The following CAMSAP2 variants were observed in gnomAD, a reference collection of about 807,000 sequenced individuals.
CAMSAP2 encodes calmodulin-regulated spectrin-associated protein 2.
CAMSAP2 carries 26 observed loss-of-function variants against 146.1 expected under a neutral mutation model. The ratio of observed to expected loss-of-function variants is 0.18; its 90% confidence interval spans 0.13 to 0.25. The LOEUF (loss-of-function observed/expected upper bound fraction) is 0.25, where lower values mean the gene tolerates loss of function less well. Ranked by LOEUF, CAMSAP2 falls within the 10% of genes least tolerant of loss-of-function variation. CAMSAP2 has a pLI of 1.00. For synonymous variants in CAMSAP2, 499 were observed against 596.6 expected, an observed-to-expected ratio of 0.84 and a Z score of 2.38; for missense variants, 1,381 against 1,759.3, an observed-to-expected ratio of 0.78 and a Z score of 3.85.
In CAMSAP2 at chr1:200,739,765, T is replaced by A; in HGVS notation, c.-63T>A. On this transcript the variant is annotated 5_prime_UTR_variant, in exon 1 of 17. Transcript: ENST00000358823. This position sits in a 1 kb window ranked among gnomAD's most constrained non-coding sequence, Gnocchi z 4.8. ...GCTTCTCCCTCCCTCCCGACCCCCG[T>A]GGTGGCGAGGCCACGCCATGTGAAG... 7.1e-6 allele frequency: 10 copies of A among 1,406,720 alleles called. No individual in the cohort carries two copies. In the South Asian group the frequency reaches 1.2e-4, roughly 17 times the overall value. The allele number at this position is 1,406,720 out of a possible 1,614,324, so 87.1% of individuals were successfully genotyped here.
chr1:200,817,185 C>CATATAAGTGTGTGTGTATAT (rs1262119747), intron 4 of CAMSAP2, among the ~76,000 whole-genome samples: 915 of 70,436 alleles, frequency 0.013, 26 homozygotes, highest in South Asian at 0.022. Context: ...TATACACACA[C>CATATAAGTGTGTGTGTATAT]ACACATGTGT....
intron 2 of CAMSAP2, among the ~76,000 whole-genome samples, chr1:200,772,544 G>A (rs960940498): frequency 6.6e-6 from 1 of 152,178 alleles, no homozygotes; most frequent in Non-Finnish European, 1.5e-5. Flanking sequence ...AGGAGGCAGA[G>A]GTTGCAGTGA....
At chr1:200,772,840 A>G (rs1009914471) in intron 2 of CAMSAP2, among the ~76,000 whole-genome samples, 2 of 152,208 alleles carry the variant, frequency 1.3e-5, no homozygotes, top group African/African-American at 2.4e-5. Flanking sequence ...AAGTTTGTCT[A>G]ATCTCTATGG....
chr1:200,796,729 G>A (rs1665894429), intron 2 of CAMSAP2, among the ~76,000 whole-genome samples: 1 of 149,806 alleles, frequency 6.7e-6, no homozygotes, highest in Non-Finnish European at 1.5e-5. Context: ...GTGAAGGTTA[G>A]TTACATATGT....
At chr1:200,808,707 AT>A (rs1666246118) in intron 3 of CAMSAP2, among the ~76,000 whole-genome samples, 1 of 152,174 alleles carries the variant, frequency 6.6e-6, no homozygotes, top group South Asian at 2.1e-4. Context: ...CAGACTTCCC[AT>A]TCTTGAACAG....
At chr1:200,778,317 C>T (rs1054031928) in intron 2 of CAMSAP2, among the ~76,000 whole-genome samples, 10 of 152,028 alleles carry the variant, frequency 6.6e-5, no homozygotes, top group African/African-American at 2.4e-4. Flanking sequence ...TGTTTTGTTC[C>T]TCCCCCTTGA....
intron 7 of CAMSAP2, among the ~76,000 whole-genome samples, chr1:200,843,799 A>G (rs933323292): frequency 1.3e-5 from 2 of 152,166 alleles, no homozygotes; most frequent in African/African-American, 4.8e-5. Context: ...CTGAAGTTCT[A>G]TGAAAGCTTT....
At chr1:200,801,266 GA>G (rs397816350) in intron 2 of CAMSAP2, among the ~76,000 whole-genome samples, 124 of 141,846 alleles carry the variant, frequency 8.7e-4, no homozygotes, top group South Asian at 1.3e-3. Flanking sequence ...CCATCTCAAA[GA>G]AAAAAAAAAA....
chr1:200,799,129 CT>C (rs1482889937), intron 2 of CAMSAP2, among the ~76,000 whole-genome samples: 1 of 152,020 alleles, frequency 6.6e-6, no homozygotes, highest in African/African-American at 2.4e-5. Context: ...CTGAAATTTT[CT>C]TTTTTTGTTG....
intron 1 of CAMSAP2, among the ~76,000 whole-genome samples, chr1:200,743,395 A>G (rs1364856498): frequency 6.6e-6 from 1 of 152,156 alleles, no homozygotes; most frequent in Non-Finnish European, 1.5e-5. Flanking sequence ...GTCTTAACAA[A>G]TCTTGCTGTC....
At chr1:200,799,124 A>AT (rs1249864825) in intron 2 of CAMSAP2, among the ~76,000 whole-genome samples, 8 of 151,942 alleles carry the variant, frequency 5.3e-5, no homozygotes, top group Non-Finnish European at 1.2e-4. Context: ...TTGGCCTGAA[A>AT]TTTTCTTTTT....
intron 4 of CAMSAP2, among the ~76,000 whole-genome samples, chr1:200,829,112 G>A (rs924929866): frequency 3.3e-5 from 5 of 152,118 alleles, no homozygotes; most frequent in South Asian, 2.1e-4. Context: ...CCGAGATCGC[G>A]CCATTGCACT....
intron 2 of CAMSAP2, among the ~76,000 whole-genome samples, chr1:200,799,757 G>A (rs1665986713): frequency 6.6e-6 from 1 of 152,126 alleles, no homozygotes; most frequent in Admixed American, 6.6e-5. Context: ...TCTTTTAAAT[G>A]TGATGTTAGG....
chr1:200,813,783 A>G (rs2102160538), intron 3 of CAMSAP2, among the ~76,000 whole-genome samples: 1 of 152,272 alleles, frequency 6.6e-6, no homozygotes, highest in African/African-American at 2.4e-5. Context: ...ACAATGAATT[A>G]GAAAGTGTTT....
chr1:200,840,136 G>T (rs1055050486), intron 6 of CAMSAP2, among the ~76,000 whole-genome samples: 3 of 152,082 alleles, frequency 2.0e-5, no homozygotes, highest in Non-Finnish European at 4.4e-5. Flanking sequence ...CTACAAGACA[G>T]GTCCACTTAA....
rs1389073085 is a variant in CAMSAP2, at chr1:200,813,576, A to G, written c.562-1985A>G. Among the ~76,000 whole-genome samples the G allele has an allele frequency of 3.9e-5, 6 of 152,348 alleles. No individual in the cohort carries two copies. In the South Asian group the frequency reaches 1.0e-3, roughly 26 times the overall value. Reference sequence around the variant, plus strand: ...AGCCTCTTAATACAGTATCTGGCACATAACTGGCATTCAGTAGATATCTGT... The same window carrying G: ...AGCCTCTTAATACAGTATCTGGCACGTAACTGGCATTCAGTAGATATCTGT... On this transcript the variant is annotated intron_variant, in intron 3 of 16. Coordinates refer to ENST00000358823, the MANE Select transcript of CAMSAP2 (RefSeq NM_203459.4).
chr1:200,831,821 G>A (rs1667051463), intron 4 of CAMSAP2, among the ~76,000 whole-genome samples: 1 of 151,794 alleles, frequency 6.6e-6, no homozygotes, highest in African/African-American at 2.4e-5. Context: ...TCCCGTATAA[G>A]AATTTTCAGT....
chr1:200,812,387 A>G (rs1666356276), intron 3 of CAMSAP2, among the ~76,000 whole-genome samples: 3 of 152,218 alleles, frequency 2.0e-5, no homozygotes, highest in Admixed American at 1.3e-4. Flanking sequence ...TTAACTAGGA[A>G]TGTTCAGCAC....
chr1:200,816,845 TAC>T lies in CAMSAP2; in HGVS notation c.645+1210_645+1211del, dbSNP rs531129943. On this transcript the variant is annotated intron_variant, in intron 4 of 16. Transcript: ENST00000358823. ...ACACACACACGCGTGTGTATGTGTG[TAC>T]ACACACACGCGTGTGTATGTGTGTA... Among the ~76,000 whole-genome samples the T allele has an allele frequency of 6.9e-4, 41 of 59,758 alleles. 1 individual carries two copies. Among genetic ancestry groups the T allele is most frequent in the South Asian group, 3.5e-3 (5 of 1,428 alleles). 39.2% of individuals were successfully genotyped at this position (59,758 alleles called of 152,430 possible).
Sources: allele counts gnomAD v4.1 joint callset (sites outside exome capture counted in the v4.1 genomes callset), GRCh38; gene constraint gnomAD v4.1.1; non-coding constraint Gnocchi (gnomAD v3.1); transcripts MANE v1.5; gene names NCBI Gene and HGNC (gene_info 2026-07-23, HGNC 2026-07-21).